The following DERA variants were observed in gnomAD, a reference collection of about 807,000 sequenced individuals.
DERA encodes deoxyribose-phosphate aldolase.
Under a neutral mutation model 41.1 loss-of-function variants are expected in DERA, and 15 were observed. The ratio of observed to expected loss-of-function variants is 0.37; its 90% CI spans 0.24 to 0.56. The LOEUF (loss-of-function observed/expected upper bound fraction) is 0.56, where lower values mean the gene tolerates loss of function less well. DERA is among the 20% of genes least tolerant of loss of function. The pLI is 0.81. For synonymous variants in DERA, 139 were observed against 137.4 expected, an observed-to-expected ratio of 1.01 and a Z score of -0.08; for missense variants, 396 against 403.4, an observed-to-expected ratio of 0.98 and a Z score of 0.16.
Position 15,933,992 on chromosome 12 carries a change from G to C in DERA, c.31+22578G>C, listed in dbSNP as rs142064493. On this transcript the variant is annotated intron_variant, in intron 1 of 8. Coordinates refer to ENST00000428559, the MANE Select transcript of DERA (RefSeq NM_015954.4). ...GATTGCCTTCTAATTCTGTGGTTAA[G>C]TTACTCAGAGAAGGCCTCCAACATC... Among the ~76,000 whole-genome samples the C allele has an allele frequency of 2.0e-3, 302 of 152,292 alleles. 3 individuals carry two copies. The highest frequency in any genetic ancestry group is 7.0e-3 in the African/African-American group (289 of 41,560).
At position 16,036,363 on chromosome 12, in the gene DERA, C is replaced by T. The variant is rs369358740; in HGVS notation, c.882C>T (p.Leu294=). The change falls in exon 8 of 9, where the codon CTC becomes CTT. Residue 294 remains leucine (L), a synonymous_variant. Transcript: ENST00000428559. The surrounding 1 kb of genome is among the most constrained non-coding windows in gnomAD (Gnocchi z 4.9). ...TTCGAATAGGTGCCAGTACTCTGCT[C>T]TCGGACATTGAGAGGCAGGTGAGTA... ...ELFRIGASTL[L]SDIERQIYHH... The T allele has an allele frequency of 3.1e-6, 5 of 1,602,618 alleles. No homozygotes were observed. In the African/African-American group the frequency reaches 4.0e-5, roughly 13 times the overall value.
At chr12:16,034,496 A>G (rs986839173) in intron 7 of DERA, among the ~76,000 whole-genome samples, 1 of 152,234 alleles carries the variant, frequency 6.6e-6, no homozygotes, top group Non-Finnish European at 1.5e-5. Context: ...GGTACAAGCC[A>G]AATTGTATTC....
intron 1 of DERA, among the ~76,000 whole-genome samples, chr12:15,933,625 T>C (rs1314208881): frequency 6.6e-6 from 1 of 152,152 alleles, no homozygotes; most frequent in African/African-American, 2.4e-5. Flanking sequence ...GGTATACCCA[T>C]GCAACCATAT....
chr12:15,925,766 A>G (rs1948277372), intron 1 of DERA, among the ~76,000 whole-genome samples: 1 of 150,878 alleles, frequency 6.6e-6, no homozygotes, highest in Non-Finnish European at 1.5e-5. Flanking sequence ...AGAGGACCTT[A>G]CAAGCATCAA....
chr12:15,968,419 A>G (rs1007309131), intron 5 of DERA, among the ~76,000 whole-genome samples: 9 of 152,158 alleles, frequency 5.9e-5, no homozygotes, highest in Non-Finnish European at 1.2e-4. Flanking sequence ...TCTCCCTGGG[A>G]TGGCTGTGCT....
intron 1 of DERA, among the ~76,000 whole-genome samples, chr12:15,934,092 G>A (rs1057491407): frequency 6.6e-6 from 1 of 152,128 alleles, no homozygotes; most frequent in Non-Finnish European, 1.5e-5. Context: ...TTCATAAATT[G>A]TTATCCATGG....
At position 16,004,827 on chromosome 12, in the gene DERA, G is replaced by A. The variant is rs1948899039; in HGVS notation, c.637+22391G>A. ...TGGGAGTTTCCAAAATCAAGGTTAG[G>A]AACCATTGATTTATAAAGATCGTCT... On this transcript the variant is annotated intron_variant, in intron 6 of 8. Transcript: ENST00000428559. The surrounding 1 kb of genome is among the most constrained non-coding windows in gnomAD (Gnocchi z 4.2). Among the ~76,000 whole-genome samples, 1 of 152,076 alleles carries A rather than the reference G, an allele frequency of 6.6e-6. No individual in the cohort carries two copies. The highest frequency in any genetic ancestry group is 6.6e-5 in the Admixed American group (1 of 15,264).
In DERA at chr12:15,957,125, A is replaced by G. The variant is rs1333086239; in HGVS notation, c.129+92A>G. 1.1e-6 allele frequency: 1 copy of G among 923,394 alleles called. No individual in the cohort carries two copies. Among genetic ancestry groups the G allele is most frequent in the Admixed American group, 2.0e-5 (1 of 48,932 alleles). The allele number at this position is 923,394 out of a possible 1,614,324, so 57.2% of individuals were successfully genotyped here. A position where few individuals can be genotyped will look rare whatever the true frequency, so the allele number is the denominator to read the frequency against. ...CAATATTGAATTTCACTCAAGATGC[A>G]TCTAAACTTAAAAGATTGCAGCTGT... On this transcript the variant is annotated intron_variant, in intron 2 of 8. Transcript: ENST00000428559. This position sits in a 1 kb window ranked among gnomAD's most constrained non-coding sequence, Gnocchi z 4.8.
rs1349245742 is a variant in DERA at position 15,985,641 on chromosome 12, A to AT, written c.637+3208dup. On this transcript the variant is annotated intron_variant, in intron 6 of 8. Coordinates refer to ENST00000428559, the MANE Select transcript of DERA (RefSeq NM_015954.4). This position sits in a 1 kb window ranked among gnomAD's most constrained non-coding sequence, Gnocchi z 4.2. Reference sequence around the variant, plus strand: ...GATCTCTTTTGTTATTTAGAGTGCTATTTACAATGAGATATTTACTTTCCA... The same window carrying AT: ...GATCTCTTTTGTTATTTAGAGTGCTATTTTACAATGAGATATTTACTTTCCA... Among the ~76,000 whole-genome samples the AT allele has an allele frequency of 6.6e-6, 1 of 151,518 alleles. No homozygotes were observed. Among genetic ancestry groups the AT allele is most frequent in the Non-Finnish European group, 1.5e-5 (1 of 67,922 alleles).
chr12:15,926,433 G>A (rs113293174), intron 1 of DERA, among the ~76,000 whole-genome samples: 1,671 of 152,230 alleles, frequency 0.011, 32 homozygotes, highest in African/African-American at 0.038. Context: ...CGAATATGCA[G>A]TAGGCAAGAA....
At chr12:15,963,910 C>G (rs544241906) in intron 5 of DERA, among the ~76,000 whole-genome samples, 2 of 152,220 alleles carry the variant, frequency 1.3e-5, no homozygotes, top group South Asian at 2.1e-4. Context: ...ATTTGTGAAG[C>G]CTAATTCCAT....
rs1277187610 is a variant in DERA, at chr12:15,957,483, A to T, written c.129+450A>T. Among the ~76,000 whole-genome samples, 1 of 152,154 alleles carries T rather than the reference A, an allele frequency of 6.6e-6. No homozygotes were observed. Among genetic ancestry groups the T allele is most frequent in the Non-Finnish European group, 1.5e-5 (1 of 68,044 alleles). ...TTACTTTCTATAAATCATTTTTCAA[A>T]ATTCCAAAAATGATGTTTCGTAGAG... On this transcript the variant is annotated intron_variant, in intron 2 of 8. Transcript: ENST00000428559. The surrounding 1 kb of genome is among the most constrained non-coding windows in gnomAD (Gnocchi z 4.8).
chr12:15,916,901 T>A (rs1948204391), intron 1 of DERA, among the ~76,000 whole-genome samples: 1 of 152,200 alleles, frequency 6.6e-6, no homozygotes, highest in Admixed American at 6.5e-5. Flanking sequence ...CTGTAGTCAA[T>A]GTGCCAGGCT....
chr12:15,963,242 TC>T (rs1223926241), intron 5 of DERA, among the ~76,000 whole-genome samples: 1 of 152,196 alleles, frequency 6.6e-6, no homozygotes, highest in Admixed American at 6.5e-5. Flanking sequence ...ACATGCTTTT[TC>T]TTCAGAAGGG....
chr12:15,982,159 C>G lies in DERA; in HGVS notation c.509-149C>G, dbSNP rs1172492436. 1 of 745,254 alleles carries G rather than the reference C, an allele frequency of 1.3e-6. No individual in the cohort carries two copies. The highest frequency in any genetic ancestry group is 1.8e-5 in the African/African-American group (1 of 56,014). 46.2% of individuals were successfully genotyped at this position (745,254 alleles called of 1,614,324 possible). On this transcript the variant is annotated intron_variant, in intron 5 of 8. Coordinates refer to ENST00000428559, the MANE Select transcript of DERA (RefSeq NM_015954.4). This position sits in a 1 kb window ranked among gnomAD's most constrained non-coding sequence, Gnocchi z 4.0. The stretch of plus-strand genomic sequence containing the variant: ...GGATGTGAACTGCAACAGAATGCTC[C>G]AGGCAATGTTAAATTGGGGTGATTT...
At chr12:15,960,705 G>C (rs1335554287) in intron 4 of DERA, among the ~76,000 whole-genome samples, 2 of 150,960 alleles carry the variant, frequency 1.3e-5, no homozygotes, top group Non-Finnish European at 2.9e-5. Flanking sequence ...TCTGAGCAGG[G>C]AATGATATAT....
rs939569088 is a variant in DERA at position 15,943,483 on chromosome 12, C to T, written c.32-13453C>T. On this transcript the variant is annotated intron_variant, in intron 1 of 8. Coordinates refer to ENST00000428559, the MANE Select transcript of DERA (RefSeq NM_015954.4). The surrounding 1 kb of genome is among the most constrained non-coding windows in gnomAD (Gnocchi z 4.5). ...ATTCTCTAAAAGACTTCCCATCTCA[C>T]ATGGGAAAACCTTTCTGTGCTGAAA... Among the ~76,000 whole-genome samples, 2 of 152,130 alleles carry T rather than the reference C, an allele frequency of 1.3e-5. No homozygotes were observed. Among genetic ancestry groups the T allele is most frequent in the Non-Finnish European group, 2.9e-5 (2 of 68,022 alleles).
rs1949002166 is a variant in DERA at position 16,019,044 on chromosome 12, T to G, written c.638-13498T>G. On this transcript the variant is annotated intron_variant, in intron 6 of 8. Coordinates refer to ENST00000428559, the MANE Select transcript of DERA (RefSeq NM_015954.4). This position sits in a 1 kb window ranked among gnomAD's most constrained non-coding sequence, Gnocchi z 4.4. Reference sequence around the variant, plus strand: ...TGGCTAATGTTAGATTTATGTGAGCTCTGAAGAGAGTCTGTAGTGCTGTGT... The same window carrying G: ...TGGCTAATGTTAGATTTATGTGAGCGCTGAAGAGAGTCTGTAGTGCTGTGT... Among the ~76,000 whole-genome samples the G allele has an allele frequency of 6.6e-6, 1 of 152,188 alleles. No homozygotes were observed. Among genetic ancestry groups the G allele is most frequent in the South Asian group, 2.1e-4 (1 of 4,824 alleles).
At chr12:16,005,951 C>A (rs937016585) in intron 6 of DERA, among the ~76,000 whole-genome samples, 5 of 152,216 alleles carry the variant, frequency 3.3e-5, no homozygotes, top group African/African-American at 1.2e-4. Context: ...ACCTTCCTTA[C>A]AATCTCTTTA....
Sources: allele counts gnomAD v4.1 joint callset (sites outside exome capture counted in the v4.1 genomes callset), GRCh38; gene constraint gnomAD v4.1.1; non-coding constraint Gnocchi (gnomAD v3.1); transcripts MANE v1.5; gene names NCBI Gene and HGNC (gene_info 2026-07-23, HGNC 2026-07-21).